Variants in SLC24A2 observed in about 807,000 individuals in gnomAD.
The protein encoded by SLC24A2 is sodium/potassium/calcium exchanger 2.
SLC24A2 carries 36 observed loss-of-function variants against 62.0 expected under a neutral mutation model. The ratio of observed to expected loss-of-function variants is 0.58; its 90% confidence interval spans 0.44 to 0.77. The LOEUF is 0.77. SLC24A2 is among the 30% of genes least tolerant of loss of function. SLC24A2 has a pLI of 0.00. For missense variants in SLC24A2, 846 were observed against 817.9 expected (o/e 1.03, Z -0.42); for synonymous variants, 358 against 294.0 (o/e 1.22, Z -2.23).
rs921685208 is a variant in SLC24A2, at chr9:19,510,778, A to G, written c.*5375T>C. The G allele has an allele frequency of 6.6e-6, 1 of 152,252 alleles. No homozygotes were observed. The highest frequency in any genetic ancestry group is 1.9e-4 in the East Asian group (1 of 5,200). 9.4% of individuals were successfully genotyped at this position (152,252 alleles called of 1,614,324 possible). On this transcript the variant is annotated 3_prime_UTR_variant, in exon 11 of 11. Coordinates refer to ENST00000341998, the MANE Select transcript of SLC24A2 (RefSeq NM_020344.4). Reference sequence around the variant, plus strand: ...TTTGGCTTAGATAATATGGTGCTCTACACAGTCCCTCACTGTTCGTACGCT... The same window carrying G: ...TTTGGCTTAGATAATATGGTGCTCTGCACAGTCCCTCACTGTTCGTACGCT...
the SLC24A2 span, among the ~76,000 whole-genome samples, chr9:19,864,149 G>T: frequency 6.6e-6 from 1 of 151,892 alleles, no homozygotes; most frequent in Non-Finnish European, 1.5e-5. Context: ...TCCAAAACCT[G>T]AACAGACCAA....
At chr9:19,807,925 T>C in the SLC24A2 span, among the ~76,000 whole-genome samples, 14 of 152,236 alleles carry the variant, frequency 9.2e-5, no homozygotes, top group African/African-American at 3.4e-4. Context: ...CTGAAACATC[T>C]TATCTTTAAG....
At chr9:19,716,199 A>G (rs535528799) in intron 2 of SLC24A2, among the ~76,000 whole-genome samples, 10 of 152,068 alleles carry the variant, frequency 6.6e-5, no homozygotes, top group African/African-American at 2.4e-4. Context: ...TTCCTAATCC[A>G]TATCGCAAGA....
At chr9:19,611,558 G>C (rs1006244661) in intron 4 of SLC24A2, among the ~76,000 whole-genome samples, 15 of 152,058 alleles carry the variant, frequency 9.9e-5, no homozygotes, top group African/African-American at 3.1e-4. Context: ...TTTTGCTCTT[G>C]GTGAGATGGT....
At chr9:19,669,520 TG>T (rs767612315) in intron 2 of SLC24A2, among the ~76,000 whole-genome samples, 1 of 152,246 alleles carries the variant, frequency 6.6e-6, no homozygotes, top group Non-Finnish European at 1.5e-5. Context: ...TTTAAACTCC[TG>T]TAGGTCAGAA....
chr9:19,994,236 T>C, the SLC24A2 span, among the ~76,000 whole-genome samples: 1 of 152,172 alleles, frequency 6.6e-6, no homozygotes, highest in Non-Finnish European at 1.5e-5. Context: ...AGCTGTCCTC[T>C]GCTGCCAATT....
rs373894212 is a variant in SLC24A2 at position 19,597,222 on chromosome 9, T to C, written c.1129+7A>G. 5.1e-6 allele frequency: 8 copies of C among 1,563,128 alleles called. No homozygotes were observed. The highest frequency in any genetic ancestry group is 7.1e-6 in the Non-Finnish European group (8 of 1,133,810). ...GCCAATGCATACAATTCTAAAATCA[T>C]TCTTACCTTCTTCAGTCATTGTGTC... On this transcript the variant is annotated splice_region_variant and intron_variant, in intron 5 of 10. Coordinates refer to ENST00000341998, the MANE Select transcript of SLC24A2 (RefSeq NM_020344.4).
At chr9:20,160,908 T>C in the SLC24A2 span, among the ~76,000 whole-genome samples, 1,836 of 150,294 alleles carry the variant, frequency 0.012, 37 homozygotes, top group African/African-American at 0.043. Context: ...AAATAAAGCA[T>C]AAAGCAGAAA....
chr9:19,879,488 T>C, the SLC24A2 span, among the ~76,000 whole-genome samples: 11 of 152,334 alleles, frequency 7.2e-5, no homozygotes, highest in African/African-American at 2.6e-4. Flanking sequence ...GCAAGTTATT[T>C]TGGGTTACAA....
chr9:19,516,123 T>C lies in SLC24A2; in HGVS notation c.*30A>G. On this transcript the variant is annotated 3_prime_UTR_variant, in exon 11 of 11. Transcript: ENST00000341998. The stretch of plus-strand genomic sequence containing the variant: ...GCCCAGAGTGTGGAGGGACCATTCA[T>C]GCTGCTGGTGCAAGATATGGCTTTT... The C allele has an allele frequency of 3.1e-6, 5 of 1,613,726 alleles. No individual in the cohort carries two copies. Among genetic ancestry groups the C allele is most frequent in the East Asian group, 4.5e-5 (2 of 44,866 alleles).
the SLC24A2 span, among the ~76,000 whole-genome samples, chr9:20,222,439 A>G: frequency 6.6e-6 from 1 of 152,086 alleles, no homozygotes; most frequent in African/African-American, 2.4e-5. Context: ...TTAAAACTAG[A>G]TTTTGTTTTG....
At chr9:19,880,998 A>T in the SLC24A2 span, among the ~76,000 whole-genome samples, 1 of 152,244 alleles carries the variant, frequency 6.6e-6, no homozygotes, top group South Asian at 2.1e-4. Context: ...TAACTTCTCT[A>T]TGCCTCCCTT....
At chr9:19,702,519 A>G (rs1301064390) in intron 2 of SLC24A2, among the ~76,000 whole-genome samples, 4 of 152,196 alleles carry the variant, frequency 2.6e-5, no homozygotes, top group Non-Finnish European at 5.9e-5. Flanking sequence ...ATTTTAAATT[A>G]CATTTGAGTA....
chr9:19,756,634 C>G (rs923525846), intron 2 of SLC24A2, among the ~76,000 whole-genome samples: 6 of 152,158 alleles, frequency 3.9e-5, no homozygotes, highest in African/African-American at 1.4e-4. Context: ...TATGTGACAA[C>G]TAATTCACCT....
At chr9:20,271,134 T>C in the SLC24A2 span, among the ~76,000 whole-genome samples, 2 of 152,176 alleles carry the variant, frequency 1.3e-5, no homozygotes, top group African/African-American at 4.8e-5. Context: ...AGGGCTCCCA[T>C]AGAGCCCTTT....
At chr9:19,563,525 G>C (rs552359594) in intron 7 of SLC24A2, among the ~76,000 whole-genome samples, 2 of 152,082 alleles carry the variant, frequency 1.3e-5, no homozygotes. Context: ...TTCAGGTACC[G>C]TATGCTTGGA....
At chr9:19,780,073 TC>T (rs2118924254) in intron 2 of SLC24A2, among the ~76,000 whole-genome samples, 1 of 151,478 alleles carries the variant, frequency 6.6e-6, no homozygotes, top group East Asian at 2.0e-4. Flanking sequence ...AAAACAAAAA[TC>T]AAAAACCAAA....
At chr9:19,833,864 C>T in the SLC24A2 span, among the ~76,000 whole-genome samples, 5 of 152,226 alleles carry the variant, frequency 3.3e-5, no homozygotes, top group Admixed American at 2.0e-4. Flanking sequence ...TCCGGGTACT[C>T]CTCTGAGACA....
chr9:20,171,395 A>C, the SLC24A2 span, among the ~76,000 whole-genome samples: 2 of 152,084 alleles, frequency 1.3e-5, no homozygotes, highest in African/African-American at 4.8e-5. Context: ...AAATGGCCTA[A>C]ATGCTCCACT....
Sources: gnomAD v4.1 joint callset for allele counts (sites outside exome capture counted in the v4.1 genomes callset) on GRCh38, gnomAD v4.1.1 for gene constraint, MANE v1.5 for transcripts, NCBI Gene and HGNC (gene_info 2026-07-23, HGNC 2026-07-21) for gene names.